The following STAU2 variants were observed in gnomAD, a reference collection of about 807,000 sequenced individuals.
The protein encoded by STAU2 is double-stranded RNA-binding protein Staufen homolog 2.
A neutral mutation model predicts 65.9 loss-of-function variants in STAU2; 20 were observed. The observed-to-expected ratio is 0.30, with a 90% CI of 0.21 to 0.44. STAU2 has a LOEUF of 0.44. Ranked by LOEUF, STAU2 falls within the 20% of genes least tolerant of loss-of-function variation. The pLI, the probability that STAU2 is intolerant of heterozygous loss-of-function variation, is 1.00. For synonymous variants in STAU2, 232 were observed against 233.9 expected (o/e 0.99, Z 0.07); for missense variants, 558 against 683.9 (o/e 0.82, Z 2.05).
intron 13 of STAU2, among the ~76,000 whole-genome samples, chr8:73,547,184 C>A (rs963249681): frequency 3.3e-5 from 5 of 152,094 alleles, no homozygotes; most frequent in Non-Finnish European, 5.9e-5. Flanking sequence ...GTGTGTCTTA[C>A]TATGTATGTG....
At chr8:73,706,354 T>C (rs776624496) in intron 4 of STAU2, among the ~76,000 whole-genome samples, 7 of 152,138 alleles carry the variant, frequency 4.6e-5, no homozygotes, top group Non-Finnish European at 7.4e-5. Flanking sequence ...TGACCTCAAG[T>C]GATCCTCCCG....
At chr8:73,568,519 C>G (rs2128953870) in intron 12 of STAU2, among the ~76,000 whole-genome samples, 1 of 152,182 alleles carries the variant, frequency 6.6e-6, no homozygotes, top group South Asian at 2.1e-4. Flanking sequence ...AAGAGGATCC[C>G]TTGAGCCCAG....
chr8:73,660,144 G>GA (rs1166034159), intron 6 of STAU2, among the ~76,000 whole-genome samples: 1 of 152,136 alleles, frequency 6.6e-6, no homozygotes, highest in Admixed American at 6.6e-5. Flanking sequence ...AAGGGGATAT[G>GA]AAAAATGTTA....
At chr8:73,683,263 A>G (rs895386668) in intron 5 of STAU2, among the ~76,000 whole-genome samples, 1 of 152,196 alleles carries the variant, frequency 6.6e-6, no homozygotes, top group Non-Finnish European at 1.5e-5. Flanking sequence ...AAGGTAATTC[A>G]CCATGAACAA....
At chr8:73,703,113 C>G (rs1820238000) in intron 4 of STAU2, among the ~76,000 whole-genome samples, 1 of 152,196 alleles carries the variant, frequency 6.6e-6, no homozygotes, top group Non-Finnish European at 1.5e-5. Flanking sequence ...ATCCGTGTCC[C>G]CACCCAAATT....
upstream of STAU2, chr8:73,747,308 C>G: frequency 6.7e-7 from 1 of 1,499,720 alleles, no homozygotes; most frequent in Non-Finnish European, 8.9e-7. Context: ...ACACCTGCAA[C>G]TCGGCAACTT....
chr8:73,470,594 T>G (rs992168937), intron 13 of STAU2, among the ~76,000 whole-genome samples: 2 of 152,030 alleles, frequency 1.3e-5, no homozygotes. Flanking sequence ...AGCCAGGAGT[T>G]CAAGACCAGC....
At chr8:73,466,031 T>G (rs1476100521) in intron 13 of STAU2, among the ~76,000 whole-genome samples, 2 of 152,164 alleles carry the variant, frequency 1.3e-5, no homozygotes, top group African/African-American at 2.4e-5. Context: ...GGCTCACCCC[T>G]GTTTTCAAAG....
chr8:73,534,170 A>T (rs976201036), intron 13 of STAU2, among the ~76,000 whole-genome samples: 6 of 152,206 alleles, frequency 3.9e-5, no homozygotes, highest in Non-Finnish European at 7.3e-5. Flanking sequence ...TAGCAATTCC[A>T]CTGTAGCTAC....
intron 3 of STAU2, among the ~76,000 whole-genome samples, chr8:73,717,757 G>C (rs11987808): frequency 0.28 from 41,807 of 151,768 alleles, 6,226 homozygotes; most frequent in East Asian, 0.45. Flanking sequence ...AAGCGATTCT[G>C]CCGCCTATTT....
chr8:73,643,504 G>A (rs1314037743), intron 6 of STAU2, among the ~76,000 whole-genome samples: 7 of 152,306 alleles, frequency 4.6e-5, no homozygotes, highest in Non-Finnish European at 1.0e-4. Flanking sequence ...TACCCAGAGG[G>A]TTAGCCCAAA....
intron 13 of STAU2, among the ~76,000 whole-genome samples, chr8:73,499,330 T>C (rs1479089840): frequency 6.6e-6 from 1 of 151,836 alleles, no homozygotes; most frequent in African/African-American, 2.4e-5. Flanking sequence ...GGCATCAAAA[T>C]GTGGCTAGTA....
At chr8:73,636,862 C>CAAA (rs202084863) in intron 6 of STAU2, among the ~76,000 whole-genome samples, 3 of 85,800 alleles carry the variant, frequency 3.5e-5, no homozygotes, top group Non-Finnish European at 7.2e-5. Context: ...ACTCTGTATT[C>CAAA]AAAAAAAAAA....
At chr8:73,474,624 T>C (rs1340203142) in intron 13 of STAU2, among the ~76,000 whole-genome samples, 1 of 152,086 alleles carries the variant, frequency 6.6e-6, no homozygotes, top group Non-Finnish European at 1.5e-5. Flanking sequence ...ATTCTGTTCA[T>C]CTTAATGGGT....
At chr8:73,464,270 TG>T (rs1390945790) in intron 13 of STAU2, among the ~76,000 whole-genome samples, 1 of 152,164 alleles carries the variant, frequency 6.6e-6, no homozygotes, top group Non-Finnish European at 1.5e-5. Flanking sequence ...GCTAGCAAAT[TG>T]GTTCTCAGAA....
At chr8:73,687,542 A>G (rs1819017408) in intron 5 of STAU2, among the ~76,000 whole-genome samples, 1 of 142,298 alleles carries the variant, frequency 7.0e-6, no homozygotes. Context: ...ATATATTTAA[A>G]AAGAGAAATT....
intron 13 of STAU2, among the ~76,000 whole-genome samples, chr8:73,463,114 G>A (rs1055038438): frequency 2.0e-5 from 3 of 152,150 alleles, no homozygotes; most frequent in African/African-American, 7.2e-5. Context: ...GTGTGATCAT[G>A]GACAAATTAT....
rs60833468 is a variant in STAU2, at chr8:73,637,477, T to TAAA, written c.411-20029_411-20027dup. ...TAAAGTCTTTATAAAGTGCTGAAAG[T>TAAA]AAAAAAAAAAAAAAAAAAAAAAAAA... On this transcript the variant is annotated intron_variant, in intron 6 of 14. Transcript: ENST00000524300. Among the ~76,000 whole-genome samples, 274 of 57,086 alleles carry TAAA rather than the reference T, an allele frequency of 4.8e-3. 1 individual carries two copies. The highest frequency in any genetic ancestry group is 0.015 in the African/African-American group (204 of 13,786). 37.5% of individuals were successfully genotyped at this position (57,086 alleles called of 152,430 possible).
chr8:73,745,641 CCTTT>C (rs1383715483), intron 1 of STAU2, among the ~76,000 whole-genome samples: 1 of 152,182 alleles, frequency 6.6e-6, no homozygotes, highest in African/African-American at 2.4e-5. Context: ...TCATCTCTAG[CCTTT>C]CTTTCTGCAG....
Sources: gnomAD v4.1 joint callset for allele counts (sites outside exome capture counted in the v4.1 genomes callset) on GRCh38, gnomAD v4.1.1 for gene constraint, MANE v1.5 for transcripts, NCBI Gene and HGNC (gene_info 2026-07-23, HGNC 2026-07-21) for gene names.